OTUD3: variants seen among roughly 807,000 people sequenced by gnomAD.
OTUD3 encodes the protein OTU domain-containing protein 3.
In OTUD3, 24 loss-of-function variants were observed where a neutral mutation model predicts 46.2. The ratio of observed to expected loss-of-function variants is 0.52; its 90% CI spans 0.38 to 0.73. The LOEUF is 0.73. Among genes scored for constraint, OTUD3 ranks in the 30% least tolerant of loss-of-function variants. OTUD3 has a pLI of 0.00. For missense variants in OTUD3, 455 were observed against 523.3 expected, an observed-to-expected ratio of 0.87 and a Z score of 1.27; for synonymous variants, 189 against 195.4, an observed-to-expected ratio of 0.97 and a Z score of 0.27.
In OTUD3 at chr1:19,890,402, C is replaced by G. The variant is rs776054462; in HGVS notation, c.239C>G (p.Ala80Gly). The change falls in exon 2 of 8, where the codon GCT becomes GGT. Residue 80 changes from alanine to glycine, a missense_variant. Coordinates refer to ENST00000375120, the MANE Select transcript of OTUD3 (RefSeq NM_015207.2). ...TTTGACAGCAATTGCTTGTTCAGAGCTCTTGGTGATCAATTGGAGGGACAC... is the reference window on the plus strand; with the variant it reads ...TTTGACAGCAATTGCTTGTTCAGAGGTCTTGGTGATCAATTGGAGGGACAC... ...VPGDGNCLFR[A>G]LGDQLEGHSR... 3.7e-6 allele frequency: 6 copies of G among 1,613,896 alleles called. No individual in the cohort carries two copies. The South Asian group carries it at 6.6e-5, about 18-fold the overall frequency.
At chr1:19,896,485 T>C (rs2045520362) in intron 3 of OTUD3, among the ~76,000 whole-genome samples, 1 of 152,206 alleles carries the variant, frequency 6.6e-6, no homozygotes, top group Admixed American at 6.5e-5. Flanking sequence ...TGGTGCTCTC[T>C]ATTTTGTATG....
At chr1:19,904,554 A>T (rs1030783453) in intron 5 of OTUD3, among the ~76,000 whole-genome samples, 156 bp downstream of exon 5, 8 of 152,224 alleles carry the variant, frequency 5.3e-5, no homozygotes, top group Admixed American at 2.0e-4. Flanking sequence ...TGGCTTAATG[A>T]GAGCTGTTTA....
At chr1:19,892,277 C>G (rs1301483710) in intron 2 of OTUD3, among the ~76,000 whole-genome samples, 1 of 152,164 alleles carries the variant, frequency 6.6e-6, no homozygotes, top group East Asian at 1.9e-4. Context: ...TGCACATTCT[C>G]TTTGTGTGTC....
intron 6 of OTUD3, among the ~76,000 whole-genome samples, chr1:19,906,085 A>G (rs980369010): frequency 2.0e-5 from 3 of 152,252 alleles, no homozygotes; most frequent in Admixed American, 1.3e-4. Context: ...TGGCTAATAC[A>G]TTGGACAGCA....
rs1208952854 is a variant in OTUD3, at chr1:19,882,418, C to T, written c.-96C>T. The T allele has an allele frequency of 6.2e-6, 8 of 1,298,628 alleles. No individual in the cohort carries two copies. Among genetic ancestry groups the T allele is most frequent in the East Asian group, 3.2e-5 (1 of 31,744 alleles). The allele number at this position is 1,298,628 out of a possible 1,614,324, so 80.4% of individuals were successfully genotyped here. A position where few individuals can be genotyped will look rare whatever the true frequency, so the allele number is the denominator to read the frequency against. Reference sequence around the variant, plus strand: ...TTGCTGCGTAGTCGTCGCCGGGCTCCGTTGCCCGCGCTGTTTTACCTTCCC... The same window carrying T: ...TTGCTGCGTAGTCGTCGCCGGGCTCTGTTGCCCGCGCTGTTTTACCTTCCC... On this transcript the variant is annotated 5_prime_UTR_variant, in exon 1 of 8. Transcript: ENST00000375120.
intron 1 of OTUD3, among the ~76,000 whole-genome samples, chr1:19,889,545 T>G (rs554985063): frequency 1.1e-4 from 16 of 152,324 alleles, no homozygotes; most frequent in African/African-American, 3.8e-4. Context: ...TTTCTGTAGT[T>G]TTAAGGATAC....
At chr1:19,887,442 G>T (rs999828057) in intron 1 of OTUD3, among the ~76,000 whole-genome samples, 2 of 152,168 alleles carry the variant, frequency 1.3e-5, no homozygotes, top group African/African-American at 4.8e-5. Context: ...TACACTGATA[G>T]CACACCTCAC....
chr1:19,902,623 T>G (rs1469361970), intron 4 of OTUD3, among the ~76,000 whole-genome samples: 2 of 152,184 alleles, frequency 1.3e-5, no homozygotes, highest in African/African-American at 4.8e-5. Context: ...CTTTTGCCTA[T>G]TTTTTAATTG....
rs1283704262 is a variant in OTUD3 at position 19,907,578 on chromosome 1, C to A, written c.1029C>A (p.Asn343Lys). The change falls in exon 8 of 8, where the codon AAC (asparagine) becomes AAA (lysine). Residue 343 changes from asparagine (N) to lysine (K), a missense_variant. By Grantham distance (94) the Asn-to-Lys change is moderately conservative (BLOSUM62 0). Coordinates refer to ENST00000375120, the MANE Select transcript of OTUD3 (RefSeq NM_015207.2). ...ANKNQLAKVT[N>K]KQRREQQWME... ...ATGGCCTTCTCTCTCAGGTCACAAA[C>A]AAACAGAGGCGAGAACAGCAGTGGA... 2 of 1,613,286 alleles carry A rather than the reference C, an allele frequency of 1.2e-6. No individual in the cohort carries two copies. The highest frequency in any genetic ancestry group is 2.7e-5 in the African/African-American group (2 of 74,854).
chr1:19,894,538 A>AG, intron 3 of OTUD3, 58 bp downstream of exon 3: 1 of 1,019,760 alleles, frequency 9.8e-7, no homozygotes, highest in Admixed American at 2.1e-5. Context: ...AGCTTTGGGA[A>AG]TATCCGAAGA....
intron 2 of OTUD3, 142 bp from the exon 3 acceptor site, chr1:19,894,226 C>T: frequency 1.8e-6 from 1 of 541,474 alleles, no homozygotes; most frequent in East Asian, 3.0e-5. Flanking sequence ...TAGCTAAATT[C>T]CTAGACTCTG....
At chr1:19,889,308 ATATT>A (rs2045415733) in intron 1 of OTUD3, among the ~76,000 whole-genome samples, 1 of 151,950 alleles carries the variant, frequency 6.6e-6, no homozygotes, top group Admixed American at 6.6e-5. Context: ...AAAAAAGTAT[ATATT>A]CTTATACATT....
chr1:19,901,212 A>T (rs1271279416), intron 4 of OTUD3, among the ~76,000 whole-genome samples: 1 of 152,140 alleles, frequency 6.6e-6, no homozygotes, highest in Non-Finnish European at 1.5e-5. Context: ...GCCCGGCCCT[A>T]TTGAGTTTTT....
rs1425799546 is a variant in OTUD3 at position 19,909,879 on chromosome 1, A to G, written c.*2133A>G. 1.3e-5 allele frequency: 2 copies of G among 152,354 alleles called. No individual in the cohort carries two copies. The highest frequency in any genetic ancestry group is 2.9e-5 in the Non-Finnish European group (2 of 68,026). The allele number at this position is 152,354 out of a possible 1,614,324, so 9.4% of individuals were successfully genotyped here. A position where few individuals can be genotyped will look rare whatever the true frequency, so the allele number is the denominator to read the frequency against. ...GCTTCAGCATTTCTGGAGTATAATA[A>G]TGGTGGTTTAAAAAACTAATCAAAC... is the stretch of plus-strand genomic sequence containing the variant. On this transcript the variant is annotated 3_prime_UTR_variant, in exon 8 of 8. Transcript: ENST00000375120.
chr1:19,893,024 GTC>G (rs898999854), intron 2 of OTUD3, among the ~76,000 whole-genome samples: 9 of 151,976 alleles, frequency 5.9e-5, no homozygotes, highest in African/African-American at 1.9e-4. Flanking sequence ...TCTCGTGTCT[GTC>G]TCTCCTCTTC....
chr1:19,903,811 C>T (rs965164744), intron 4 of OTUD3, among the ~76,000 whole-genome samples: 2 of 152,130 alleles, frequency 1.3e-5, no homozygotes, highest in Admixed American at 6.6e-5. Context: ...TACCTCTAAG[C>T]GTGCTGATGA....
At chr1:19,891,194 T>C (rs1164542179) in intron 2 of OTUD3, among the ~76,000 whole-genome samples, 3 of 152,226 alleles carry the variant, frequency 2.0e-5, no homozygotes, top group Non-Finnish European at 2.9e-5. Flanking sequence ...ACAATCTGTT[T>C]TCTTTGAGGC....
intron 4 of OTUD3, among the ~76,000 whole-genome samples, chr1:19,899,636 G>A (rs988818997): frequency 8.5e-5 from 13 of 152,182 alleles, no homozygotes; most frequent in African/African-American, 2.4e-4. Flanking sequence ...GAAGGTCCTT[G>A]CCACATCAGA....
In OTUD3 at chr1:19,904,218, A is replaced by C. The variant is rs768485232; in HGVS notation, c.607-49A>C. On this transcript the variant is annotated intron_variant, in intron 4 of 7. Coordinates refer to ENST00000375120, the MANE Select transcript of OTUD3 (RefSeq NM_015207.2). ...GTGTCTTGTGTTAAAGATTCTGAACATAGTTTGATTCTCAACATAGTTCCC... is the reference window on the plus strand; with the variant it reads ...GTGTCTTGTGTTAAAGATTCTGAACCTAGTTTGATTCTCAACATAGTTCCC... The C allele has an allele frequency of 6.2e-6, 9 of 1,462,630 alleles. No individual in the cohort carries two copies. The Admixed American group carries it at 2.0e-4, about 32-fold the overall frequency. The allele number at this position is 1,462,630 out of a possible 1,614,324, so 90.6% of individuals were successfully genotyped here.
Sources: gnomAD v4.1 joint callset for allele counts (sites outside exome capture counted in the v4.1 genomes callset) on GRCh38, gnomAD v4.1.1 for gene constraint, MANE v1.5 for transcripts, NCBI Gene and HGNC (gene_info 2026-07-23, HGNC 2026-07-21) for gene names.